Variants in PRR16 observed in about 807,000 individuals in gnomAD.
PRR16 encodes the protein proline rich 16, also known as protein Largen.
In PRR16, 6 loss-of-function variants were observed where a neutral mutation model predicts 18.2. That is an observed-to-expected ratio of 0.33 (90% CI 0.18 to 0.65). The LOEUF is 0.65. Ranked by LOEUF, PRR16 falls within the 30% of genes least tolerant of loss-of-function variation. PRR16 has a pLI of 0.74. For missense variants in PRR16, 412 were observed against 376.6 expected, an observed-to-expected ratio of 1.09 and a Z score of -0.78; for synonymous variants, 151 against 147.8, an observed-to-expected ratio of 1.02 and a Z score of -0.16.
chr5:120,659,236 A>G (rs942176148), intron 1 of PRR16, among the ~76,000 whole-genome samples: 2 of 151,850 alleles, frequency 1.3e-5, no homozygotes, highest in Non-Finnish European at 1.5e-5. Flanking sequence ...TTTTTATTCT[A>G]TTTCTTTGTT....
At chr5:120,699,537 G>A in the PRR16 span, among the ~76,000 whole-genome samples, 1 of 152,186 alleles carries the variant, frequency 6.6e-6, no homozygotes, top group Non-Finnish European at 1.5e-5. Flanking sequence ...ATAGCTGAAG[G>A]AGCCAGGAAG....
intron 1 of PRR16, among the ~76,000 whole-genome samples, chr5:120,656,265 GTAGT>G (rs1000644557): frequency 9.9e-5 from 15 of 151,850 alleles, no homozygotes; most frequent in African/African-American, 3.4e-4. Context: ...AGTCAACTGA[GTAGT>G]TAGCTTGTAT....
intron 1 of PRR16, among the ~76,000 whole-genome samples, chr5:120,627,559 C>A (rs1360380545): frequency 6.6e-6 from 1 of 152,026 alleles, no homozygotes; most frequent in Non-Finnish European, 1.5e-5. Flanking sequence ...ACATACACAA[C>A]ATATTCATCT....
Position 120,549,354 on chromosome 5 carries a change from G to A in PRR16, c.159+84709G>A, listed in dbSNP as rs114996364. The stretch of plus-strand genomic sequence containing the variant: ...GACCTCTCAAAGTGCTGAAAATATC[G>A]TTGTGAGCCACCACACCCAGGGCCC... On this transcript the variant is annotated intron_variant, in intron 1 of 1. Transcript: ENST00000407149. Among the ~76,000 whole-genome samples, 325 of 152,114 alleles carry A rather than the reference G, an allele frequency of 2.1e-3. 3 individuals carry two copies. Among genetic ancestry groups the A allele is most frequent in the African/African-American group, 7.4e-3 (306 of 41,516 alleles).
intron 1 of PRR16, among the ~76,000 whole-genome samples, chr5:120,552,998 T>C (rs1752301923): frequency 6.6e-6 from 1 of 151,924 alleles, no homozygotes; most frequent in Admixed American, 6.6e-5. Flanking sequence ...GTTCAGAGAA[T>C]GGACCACATA....
At chr5:120,645,418 G>A (rs554102377) in intron 1 of PRR16, among the ~76,000 whole-genome samples, 1 of 146,884 alleles carries the variant, frequency 6.8e-6, no homozygotes, top group African/African-American at 2.5e-5. Flanking sequence ...GAAAGAGAGT[G>A]AGAGAATATA....
chr5:120,506,720 G>A (rs1474817267), intron 1 of PRR16, among the ~76,000 whole-genome samples: 4 of 151,852 alleles, frequency 2.6e-5, no homozygotes. Flanking sequence ...TTCTAGACAT[G>A]TTGTATGACT....
chr5:120,763,730 C>G, the PRR16 span, among the ~76,000 whole-genome samples: 9 of 151,922 alleles, frequency 5.9e-5, no homozygotes, highest in Non-Finnish European at 1.0e-4. Context: ...CAATTTCTTT[C>G]ATCAGTTTTT....
chr5:120,752,403 C>T, the PRR16 span, among the ~76,000 whole-genome samples: 1 of 151,856 alleles, frequency 6.6e-6, no homozygotes, highest in African/African-American at 2.4e-5. Flanking sequence ...GCTTCATAAC[C>T]TGTTTATTGT....
At position 120,668,979 on chromosome 5, in the gene PRR16, C is replaced by G. The variant is rs141552326; in HGVS notation, c.160-16975C>G. On this transcript the variant is annotated intron_variant, in intron 1 of 1. Transcript: ENST00000407149. ...AGTGACCGTCTGCAAAGGGCATGCC[C>G]TATGATAGCTTATTGTTTAGGAAAG... is the stretch of plus-strand genomic sequence containing the variant. Among the ~76,000 whole-genome samples, 82 of 152,192 alleles carry G rather than the reference C, an allele frequency of 5.4e-4. 2 individuals carry two copies. The East Asian group carries it at 0.011, about 21-fold the overall frequency.
intron 1 of PRR16, among the ~76,000 whole-genome samples, chr5:120,541,882 C>G (rs982354258): frequency 6.6e-6 from 1 of 151,844 alleles, no homozygotes; most frequent in African/African-American, 2.4e-5. Context: ...TTCTCTTGAT[C>G]ATTTTTGAGT....
chr5:120,775,902 T>C, the PRR16 span, among the ~76,000 whole-genome samples: 1 of 150,140 alleles, frequency 6.7e-6, no homozygotes, highest in Non-Finnish European at 1.5e-5. Context: ...CCCACCTTGG[T>C]CTCCCAAAGT....
chr5:120,465,305 T>G (rs1749040654), intron 1 of PRR16, among the ~76,000 whole-genome samples: 1 of 152,228 alleles, frequency 6.6e-6, no homozygotes, highest in Non-Finnish European at 1.5e-5. Context: ...ACTCTGGGCC[T>G]TCCCGCCACC....
intron 1 of PRR16, among the ~76,000 whole-genome samples, chr5:120,588,194 C>T (rs1753514728): frequency 6.6e-6 from 1 of 152,140 alleles, no homozygotes; most frequent in African/African-American, 2.4e-5. Flanking sequence ...GAGATGATAT[C>T]TACTTCTGGT....
At chr5:120,762,564 A>G in the PRR16 span, among the ~76,000 whole-genome samples, 18 of 152,226 alleles carry the variant, frequency 1.2e-4, no homozygotes, top group Middle Eastern at 3.4e-3. Flanking sequence ...GGCTCAAGCA[A>G]TCTTGGCCAT....
chr5:120,512,806 G>A (rs1750871520), intron 1 of PRR16, among the ~76,000 whole-genome samples: 1 of 152,114 alleles, frequency 6.6e-6, no homozygotes, highest in Non-Finnish European at 1.5e-5. Flanking sequence ...AAGCTTTACT[G>A]GGGAGGGAAA....
At chr5:120,516,844 G>C (rs1157364653) in intron 1 of PRR16, among the ~76,000 whole-genome samples, 1 of 152,104 alleles carries the variant, frequency 6.6e-6, no homozygotes, top group Non-Finnish European at 1.5e-5. Flanking sequence ...TTCAGAACCT[G>C]CTGCTTTATT....
intron 1 of PRR16, among the ~76,000 whole-genome samples, chr5:120,479,835 T>C (rs948774109): frequency 6.6e-6 from 1 of 152,144 alleles, no homozygotes; most frequent in African/African-American, 2.4e-5. Context: ...TGATACCTAC[T>C]AGTTCTTAAG....
At chr5:120,683,112 TAC>T (rs1757021362) in intron 1 of PRR16, among the ~76,000 whole-genome samples, 1 of 152,078 alleles carries the variant, frequency 6.6e-6, no homozygotes, top group Non-Finnish European at 1.5e-5. Flanking sequence ...GGAACAGAAA[TAC>T]AGAGTTGAGG....
Sources: gnomAD v4.1 joint callset for allele counts (sites outside exome capture counted in the v4.1 genomes callset) on GRCh38, gnomAD v4.1.1 for gene constraint, MANE v1.5 for transcripts, NCBI Gene and HGNC (gene_info 2026-07-23, HGNC 2026-07-21) for gene names.